The following TTC13 variants were observed in gnomAD, a reference collection of about 807,000 sequenced individuals.
TTC13 encodes the protein tetratricopeptide repeat protein 13.
In TTC13, 62 loss-of-function variants were observed where a neutral mutation model predicts 120.0. The ratio of observed to expected loss-of-function variants is 0.52; its 90% CI spans 0.42 to 0.64. The LOEUF is 0.64. Among genes scored for constraint, TTC13 ranks in the 30% least tolerant of loss-of-function variants. The probability of loss-of-function intolerance (pLI) is 0.00; values close to 1 mark genes in which losing one functional copy is unlikely to be tolerated. For missense variants in TTC13, 824 were observed against 1,050.2 expected (o/e 0.78, Z 2.98); for synonymous variants, 384 against 393.5 (o/e 0.98, Z 0.28).
intron 11 of TTC13, among the ~76,000 whole-genome samples, chr1:230,929,665 T>G (rs1276079357): frequency 2.0e-5 from 3 of 152,192 alleles, no homozygotes; most frequent in African/African-American, 7.2e-5. Context: ...AAAAATCTCA[T>G]TGTTTTCAAT....
chr1:230,972,273 C>T (rs1219440713), intron 1 of TTC13, among the ~76,000 whole-genome samples: 1 of 152,176 alleles, frequency 6.6e-6, no homozygotes, highest in Non-Finnish European at 1.5e-5. Context: ...AAACAGACAG[C>T]TATTGATTTC....
chr1:230,943,779 C>A (rs1263521920), intron 6 of TTC13, 27 bp downstream of exon 6: 1 of 1,560,134 alleles, frequency 6.4e-7, no homozygotes, highest in Non-Finnish European at 8.7e-7. Context: ...CCAATAATGA[C>A]AGAGGGAAAA....
intron 2 of TTC13, among the ~76,000 whole-genome samples, chr1:230,960,550 C>T (rs928910898): frequency 2.0e-5 from 3 of 148,268 alleles, no homozygotes; most frequent in African/African-American, 7.5e-5. Context: ...CAGTAGTTCT[C>T]ACATGAAAAG....
intron 6 of TTC13, among the ~76,000 whole-genome samples, chr1:230,943,238 T>C (rs1361475140): frequency 6.6e-6 from 1 of 152,082 alleles, no homozygotes; most frequent in Non-Finnish European, 1.5e-5. Flanking sequence ...ATATTTTTTG[T>C]GTTTTTTTTT....
chr1:230,914,178 A>G (rs1192680726), intron 18 of TTC13, among the ~76,000 whole-genome samples: 1 of 152,016 alleles, frequency 6.6e-6, no homozygotes, highest in African/African-American at 2.4e-5. Context: ...AAGGGGAGAA[A>G]TTTCATGTAC....
chr1:230,924,685 G>A (rs533494756), intron 14 of TTC13, among the ~76,000 whole-genome samples, 156 bp downstream of exon 14: 17 of 152,346 alleles, frequency 1.1e-4, no homozygotes, highest in Non-Finnish European at 4.4e-5. Context: ...TAATAAAGAT[G>A]CCAGCAATTT....
intron 12 of TTC13, among the ~76,000 whole-genome samples, chr1:230,927,573 T>C (rs542025062): frequency 2.0e-5 from 3 of 152,206 alleles, no homozygotes; most frequent in Non-Finnish European, 4.4e-5. Flanking sequence ...TTTGTAGTGA[T>C]ACTTCATAAA....
chr1:230,956,688 A>T (rs1324902554), intron 3 of TTC13: 6 of 225,740 alleles, frequency 2.7e-5, no homozygotes, highest in Non-Finnish European at 5.5e-5. Flanking sequence ...CTTAAAATCA[A>T]ATGCAGTTTT....
chr1:230,936,691 A>T, intron 8 of TTC13: 1 of 157,846 alleles, frequency 6.3e-6, no homozygotes, highest in Non-Finnish European at 1.4e-5. Flanking sequence ...TCATATAGTA[A>T]ATAAGCAATC....
Position 230,911,505 on chromosome 1 carries a change from G to T in TTC13, c.2274C>A (p.Tyr758Ter). The T allele has an allele frequency of 6.2e-7, 1 of 1,606,002 alleles. No individual in the cohort carries two copies. The highest frequency in any genetic ancestry group is 8.5e-7 in the Non-Finnish European group (1 of 1,176,412). The change falls in exon 20 of 23, where the codon TAC (tyrosine) becomes TAA (stop). Residue 758 changes from tyrosine to a stop codon, truncating the protein, a stop_gained. Transcript: ENST00000366661. LOFTEE classifies it high-confidence loss of function. Reference protein sequence around the residue: ...VCNLILSLVYYFYNLMPLSRG... With the variant: ...VCNLILSLVY Reference sequence around the variant, plus strand: ...GAGAGAGTGGCATTAAATTATAAAAGTAATAAACTAAGGATAAGATTAAGT... The same window carrying T: ...GAGAGAGTGGCATTAAATTATAAAATTAATAAACTAAGGATAAGATTAAGT...
chr1:230,936,547 T>C (rs1674071599), intron 8 of TTC13: 1 of 216,664 alleles, frequency 4.6e-6, no homozygotes, highest in African/African-American at 2.3e-5. Context: ...ACAACATAGA[T>C]AAAACAATGG....
intron 4 of TTC13, among the ~76,000 whole-genome samples, chr1:230,947,097 GA>G (rs534487589): frequency 5.1e-4 from 77 of 151,806 alleles, no homozygotes; most frequent in Non-Finnish European, 6.9e-4. Context: ...TTTATAATCA[GA>G]AAAAAGTATG....
intron 13 of TTC13, 62 bp downstream of exon 13, chr1:230,925,455 G>A: frequency 6.3e-7 from 1 of 1,579,798 alleles, no homozygotes; most frequent in Non-Finnish European, 8.7e-7. Context: ...TGCACAACAT[G>A]GCTTAACCAC....
chr1:230,974,586 G>A (rs1368395879), intron 1 of TTC13, among the ~76,000 whole-genome samples: 3 of 152,062 alleles, frequency 2.0e-5, no homozygotes, highest in Non-Finnish European at 2.9e-5. Flanking sequence ...ATTCCATCTC[G>A]GTCTAAGTAC....
intron 1 of TTC13, among the ~76,000 whole-genome samples, chr1:230,969,995 C>A (rs1199318218): frequency 6.6e-6 from 1 of 152,158 alleles, no homozygotes; most frequent in East Asian, 1.9e-4. Flanking sequence ...CTCCATCCTC[C>A]AAGGTAGATA....
intron 14 of TTC13, among the ~76,000 whole-genome samples, chr1:230,924,208 T>A (rs1244519711): frequency 1.3e-5 from 2 of 152,238 alleles, no homozygotes; most frequent in Non-Finnish European, 2.9e-5. Flanking sequence ...CACCATTATC[T>A]GTAAAGGGAC....
intron 1 of TTC13, among the ~76,000 whole-genome samples, chr1:230,975,165 A>G (rs1375805747): frequency 6.6e-6 from 1 of 151,870 alleles, no homozygotes; most frequent in Non-Finnish European, 1.5e-5. Context: ...GCTTGAGTCC[A>G]GGAGTTTGAC....
In TTC13 at chr1:230,906,968, C is replaced by T. The variant is rs144710588; in HGVS notation, c.2520G>A (p.Thr840=). The change falls in exon 23 of 23, where the codon ACG becomes ACA. Residue 840 remains threonine, a synonymous_variant. Transcript: ENST00000366661. ...TLPSVSETFP[T]LRSMIEVLNT... ...TTAGCACCTCAATCATCGATCTTAA[C>T]GTTGGAAACGTTTCTGATACTGATG... The T allele has an allele frequency of 5.5e-5, 84 of 1,540,646 alleles. 1 individual carries two copies. Among genetic ancestry groups the T allele is most frequent in the Admixed American group, 1.4e-4 (6 of 43,728 alleles).
chr1:230,911,816 G>A (rs967598954), intron 19 of TTC13, among the ~76,000 whole-genome samples: 53 of 151,984 alleles, frequency 3.5e-4, no homozygotes, highest in Non-Finnish European at 1.3e-4. Flanking sequence ...CTCCTTTAAC[G>A]TTATTTGAAA....
Sources: allele counts gnomAD v4.1 joint callset (sites outside exome capture counted in the v4.1 genomes callset), GRCh38; gene constraint gnomAD v4.1.1; transcripts MANE v1.5; gene names NCBI Gene and HGNC (gene_info 2026-07-23, HGNC 2026-07-21).